Variants in ANAPC7 observed in about 807,000 individuals in gnomAD.
ANAPC7 encodes anaphase-promoting complex subunit 7.
In ANAPC7, 25 loss-of-function variants were observed where a neutral mutation model predicts 63.3. That is an observed-to-expected ratio of 0.39 (90% CI 0.29 to 0.55). ANAPC7 has a LOEUF of 0.55. Among genes scored for constraint, ANAPC7 ranks in the 20% least tolerant of loss-of-function variants. The probability of loss-of-function intolerance (pLI) is 0.57; values close to 1 mark genes in which losing one functional copy is unlikely to be tolerated. For synonymous variants in ANAPC7, 241 were observed against 251.7 expected (o/e 0.96, Z 0.40); for missense variants, 516 against 691.7 (o/e 0.75, Z 2.85).
rs1469681219 is a variant in ANAPC7 at position 110,381,927 on chromosome 12, T to C, written c.957A>G (p.Lys319=). Residue 319 remains lysine (K), a synonymous_variant, in exon 8 of 11, where the codon AAA becomes AAG. Coordinates refer to ENST00000455511, the MANE Select transcript of ANAPC7 (RefSeq NM_016238.3). The part of the protein sequence containing the change: ...VVSGCHSFYS[K]RYSRALYLGA... Reference sequence around the variant, plus strand: ...CTAAATAGAGGGCCCGGGAGTAGCGTTTGCTATAGAAGCTGTGACAGCTGG... The same window carrying C: ...CTAAATAGAGGGCCCGGGAGTAGCGCTTGCTATAGAAGCTGTGACAGCTGG... 1.3e-5 allele frequency: 20 copies of C among 1,585,994 alleles called. No individual in the cohort carries two copies. Among genetic ancestry groups the C allele is most frequent in the Non-Finnish European group, 1.6e-5 (19 of 1,170,192 alleles).
intron 9 of ANAPC7, among the ~76,000 whole-genome samples, chr12:110,376,568 C>CAAAAAAAAAAAAAA (rs57434475): frequency 1.6e-4 from 10 of 62,404 alleles, no homozygotes; most frequent in Admixed American, 4.8e-4. Context: ...GACTCCATCT[C>CAAAAAAAAAAAAAA]AAAAAAAAAA....
At chr12:110,392,701 A>T (rs1049288295) in intron 3 of ANAPC7, among the ~76,000 whole-genome samples, 3 of 152,266 alleles carry the variant, frequency 2.0e-5, no homozygotes, top group Non-Finnish European at 4.4e-5. Context: ...ATAAAAAAGT[A>T]GTAAAGCTCA....
intron 1 of ANAPC7, among the ~76,000 whole-genome samples, chr12:110,397,118 G>A (rs145518850): frequency 0.028 from 4,196 of 150,782 alleles, 86 homozygotes; most frequent in Middle Eastern, 0.085. Context: ...GCAGGAGACT[G>A]GCATGAACCC....
At chr12:110,393,008 T>G (rs1883234536) in intron 3 of ANAPC7, among the ~76,000 whole-genome samples, 1 of 152,162 alleles carries the variant, frequency 6.6e-6, no homozygotes, top group South Asian at 2.1e-4. Flanking sequence ...TTGGTCAAGC[T>G]GGTCTCGAAC....
At position 110,393,087 on chromosome 12, in the gene ANAPC7, G is replaced by A. The variant is rs144450515; in HGVS notation, c.408+2014C>T. Reference sequence around the variant, plus strand: ...TGGGATTACAGGCATGAGCCACCATGCCCAGCCGACACCAGATCTTTTGAT... The same window carrying A: ...TGGGATTACAGGCATGAGCCACCATACCCAGCCGACACCAGATCTTTTGAT... On this transcript the variant is annotated intron_variant, in intron 3 of 10. Coordinates refer to ENST00000455511, the MANE Select transcript of ANAPC7 (RefSeq NM_016238.3). Among the ~76,000 whole-genome samples the A allele has an allele frequency of 9.3e-4, 142 of 152,188 alleles. 1 individual carries two copies. Among genetic ancestry groups the A allele is most frequent in the African/African-American group, 3.2e-3 (132 of 41,536 alleles).
At chr12:110,377,914 G>T in intron 8 of ANAPC7, 1 of 889,702 alleles carries the variant, frequency 1.1e-6, no homozygotes, top group Non-Finnish European at 1.5e-6. Flanking sequence ...CTGACCACTG[G>T]AAGAATAAAT....
rs528515188 is a variant in ANAPC7 at position 110,373,838 on chromosome 12, G to A, written c.*306C>T. 3.7e-6 allele frequency: 1 copy of A among 271,782 alleles called. No individual in the cohort carries two copies. The highest frequency in any genetic ancestry group is 6.8e-6 in the Non-Finnish European group (1 of 146,748). The allele number at this position is 271,782 out of a possible 1,614,324, so 16.8% of individuals were successfully genotyped here. A position where few individuals can be genotyped will look rare whatever the true frequency, so the allele number is the denominator to read the frequency against. ...AACACTGTCTATTCCTTGAGCTTTT[G>A]GATTTAGAAATTAGTTATATAAAAA... is the stretch of plus-strand genomic sequence containing the variant. On this transcript the variant is annotated 3_prime_UTR_variant, in exon 11 of 11. Coordinates refer to ENST00000455511, the MANE Select transcript of ANAPC7 (RefSeq NM_016238.3).
intron 10 of ANAPC7, among the ~76,000 whole-genome samples, chr12:110,374,619 C>T (rs1028403786): frequency 1.3e-5 from 2 of 152,224 alleles, no homozygotes; most frequent in East Asian, 1.9e-4. Context: ...CTGCTAGAGG[C>T]GGCTACCAGA....
intron 10 of ANAPC7, among the ~76,000 whole-genome samples, chr12:110,374,860 C>G (rs1881112636): frequency 6.6e-6 from 1 of 152,146 alleles, no homozygotes. Context: ...CCCCAGGACC[C>G]AAGGCTACCC....
chr12:110,381,633 C>A lies in ANAPC7; in HGVS notation c.1132+119G>T. The A allele has an allele frequency of 2.9e-6, 3 of 1,051,630 alleles. No individual in the cohort carries two copies. In the South Asian group the frequency reaches 4.8e-5, roughly 17 times the overall value. 65.1% of individuals were successfully genotyped at this position (1,051,630 alleles called of 1,614,324 possible). On this transcript the variant is annotated intron_variant, in intron 8 of 10. Transcript: ENST00000455511. ...TACAGGTGTGAGCCACCACGTCCGG[C>A]CAGCTTCCCCAGATTATTCTAACAG...
intron 3 of ANAPC7, among the ~76,000 whole-genome samples, chr12:110,394,139 G>A (rs1883351282): frequency 6.6e-6 from 1 of 151,694 alleles, no homozygotes; most frequent in Non-Finnish European, 1.5e-5. Context: ...TCGCACCACT[G>A]CACTCCAGCC....
chr12:110,396,794 C>T (rs1050490414), intron 1 of ANAPC7, among the ~76,000 whole-genome samples: 1 of 151,364 alleles, frequency 6.6e-6, no homozygotes, highest in South Asian at 2.1e-4. Context: ...GGATTACAGG[C>T]GTGAGCCATC....
At chr12:110,397,065 G>A (rs185787465) in intron 1 of ANAPC7, among the ~76,000 whole-genome samples, 160 of 151,876 alleles carry the variant, frequency 1.1e-3, no homozygotes, top group African/African-American at 3.5e-3. Flanking sequence ...TTAGCCAGGC[G>A]TGGTGGCAGG....
chr12:110,385,012 C>A (rs1470122870), intron 6 of ANAPC7, among the ~76,000 whole-genome samples: 1 of 152,088 alleles, frequency 6.6e-6, no homozygotes, highest in Non-Finnish European at 1.5e-5. Context: ...GCCTGTAATC[C>A]CAACACTTAG....
At chr12:110,395,781 G>A (rs564123808) in intron 2 of ANAPC7, among the ~76,000 whole-genome samples, 11 of 151,980 alleles carry the variant, frequency 7.2e-5, no homozygotes, top group Non-Finnish European at 1.0e-4. Context: ...CTCGTGATCC[G>A]CCCGCCTAGG....
At position 110,389,070 on chromosome 12, in the gene ANAPC7, A is replaced by C. The variant is rs182219209; in HGVS notation, c.409-447T>G. Reference sequence around the variant, plus strand: ...GCACTCCAGCCTGGGCTACAGAGTGAGACTCCATCTTAAAAAAAAAAAAAA... The same window carrying C: ...GCACTCCAGCCTGGGCTACAGAGTGCGACTCCATCTTAAAAAAAAAAAAAA... On this transcript the variant is annotated intron_variant, in intron 3 of 10. Transcript: ENST00000455511. 8.0e-3 allele frequency among the ~76,000 whole-genome samples: 1,146 copies of C among 143,364 alleles called. 1 individual carries two copies. Among genetic ancestry groups the C allele is most frequent in the Non-Finnish European group, 9.4e-3 (620 of 66,000 alleles). 94.1% of individuals were successfully genotyped at this position (143,364 alleles called of 152,430 possible).
At chr12:110,383,875 CAA>C (rs1159374781) in intron 6 of ANAPC7, among the ~76,000 whole-genome samples, 143 of 50,666 alleles carry the variant, frequency 2.8e-3, no homozygotes, top group African/African-American at 9.0e-3. Flanking sequence ...GACTCCGTCT[CAA>C]AAAAAAAAAA....
chr12:110,397,876 C>T (rs1157719472), intron 1 of ANAPC7, among the ~76,000 whole-genome samples: 2 of 151,062 alleles, frequency 1.3e-5, no homozygotes, highest in African/African-American at 4.9e-5. Context: ...GCCTGGGCGA[C>T]AAGAGTGAAA....
At chr12:110,403,101 G>C (rs1262783753) in intron 1 of ANAPC7, among the ~76,000 whole-genome samples, 1 of 152,122 alleles carries the variant, frequency 6.6e-6, no homozygotes, top group African/African-American at 2.4e-5. Flanking sequence ...TTAACGGGGG[G>C]ACCAATCTCA....
Sources: allele counts gnomAD v4.1 joint callset (sites outside exome capture counted in the v4.1 genomes callset), GRCh38; gene constraint gnomAD v4.1.1; transcripts MANE v1.5; gene names NCBI Gene and HGNC (gene_info 2026-07-23, HGNC 2026-07-21).